The following PPM1E variants were observed in gnomAD, a reference collection of about 807,000 sequenced individuals.
The protein encoded by PPM1E is protein phosphatase, Mg2+/Mn2+ dependent 1E.
A neutral mutation model predicts 65.9 loss-of-function variants in PPM1E; 20 were observed. That is an observed-to-expected ratio of 0.30 (90% CI 0.21 to 0.44). PPM1E has a LOEUF of 0.44. Ranked by LOEUF, PPM1E falls within the 20% of genes least tolerant of loss-of-function variation. The pLI is 1.00. For missense variants in PPM1E, 713 were observed against 953.1 expected, an observed-to-expected ratio of 0.75 and a Z score of 3.32; for synonymous variants, 352 against 374.9, an observed-to-expected ratio of 0.94 and a Z score of 0.70.
intron 1 of PPM1E, among the ~76,000 whole-genome samples, chr17:58,784,007 G>C (rs996620439): frequency 6.6e-6 from 1 of 150,892 alleles, no homozygotes; most frequent in African/African-American, 2.4e-5. Flanking sequence ...CACCGTGCCC[G>C]GCCTGTTTTT....
chr17:58,834,111 C>G (rs2050631118), intron 1 of PPM1E, among the ~76,000 whole-genome samples: 1 of 151,964 alleles, frequency 6.6e-6, no homozygotes. Context: ...AGATATTTCC[C>G]CTCTTTGCTT....
At chr17:58,853,210 G>T (rs1280329069) in intron 1 of PPM1E, among the ~76,000 whole-genome samples, 1 of 152,020 alleles carries the variant, frequency 6.6e-6, no homozygotes, top group Non-Finnish European at 1.5e-5. Flanking sequence ...CTTGCCTTAT[G>T]TTTTTTAAAA....
At chr17:58,861,621 G>A (rs1368492726) in intron 1 of PPM1E, among the ~76,000 whole-genome samples, 1 of 152,120 alleles carries the variant, frequency 6.6e-6, no homozygotes, top group Non-Finnish European at 1.5e-5. Flanking sequence ...GTTGGAGGGA[G>A]TCCTTTAAAA....
At chr17:58,810,472 T>C (rs1281502401) in intron 1 of PPM1E, among the ~76,000 whole-genome samples, 1 of 152,200 alleles carries the variant, frequency 6.6e-6, no homozygotes, top group Admixed American at 6.5e-5. Context: ...CCCAAAGTGC[T>C]GGGATTACAG....
intron 1 of PPM1E, among the ~76,000 whole-genome samples, chr17:58,864,258 C>G (rs1375192554): frequency 6.6e-6 from 1 of 152,154 alleles, no homozygotes; most frequent in Non-Finnish European, 1.5e-5. Context: ...TTGTCCACGA[C>G]AAGTTCTAAC....
At position 58,805,978 on chromosome 17, in the gene PPM1E, AAAAAAACAAAACAAAAC is replaced by A. The variant is rs1598582396; in HGVS notation, c.464+49522_464+49538del. ...AAAAAAAACAAAAAAAAAAAACAAA[AAAAAAACAAAACAAAAC>A]AAAACAAAAAAAAAACTATATGTAG... On this transcript the variant is annotated intron_variant, in intron 1 of 6. Transcript: ENST00000308249. Among the ~76,000 whole-genome samples, 80 of 109,152 alleles carry A rather than the reference AAAAAAACAAAACAAAAC, an allele frequency of 7.3e-4. 3 individuals carry two copies. Among genetic ancestry groups the A allele is most frequent in the East Asian group, 7.0e-3 (22 of 3,144 alleles). 71.6% of individuals were successfully genotyped at this position (109,152 alleles called of 152,430 possible).
At position 58,756,420 on chromosome 17, in the gene PPM1E, G is replaced by A; in HGVS notation, c.423G>A (p.Glu141=). 4 of 1,355,810 alleles carry A rather than the reference G, an allele frequency of 3.0e-6. No homozygotes were observed. The highest frequency in any genetic ancestry group is 3.8e-6 in the Non-Finnish European group (4 of 1,057,328). 84.0% of individuals were successfully genotyped at this position (1,355,810 alleles called of 1,614,324 possible). The change falls in exon 1 of 7, where the codon GAG becomes GAA. Residue 141 remains glutamate, a synonymous_variant. Transcript: ENST00000308249. The stretch of plus-strand genomic sequence containing the variant: ...AGCGCATCACCCGCGAGGAGGTGGA[G>A]GGCGAAAGCCTGGACCTGTGCCTGC... ...LSERITREEV[E]GESLDLCLQQ...
At chr17:58,758,431 G>C (rs1217677853) in intron 1 of PPM1E, among the ~76,000 whole-genome samples, 1 of 151,984 alleles carries the variant, frequency 6.6e-6, no homozygotes, top group African/African-American at 2.4e-5. Flanking sequence ...AGGAGGCTGA[G>C]GCAGGAGAAT....
chr17:58,771,390 C>G (rs2049936720), intron 1 of PPM1E, among the ~76,000 whole-genome samples: 1 of 150,950 alleles, frequency 6.6e-6, no homozygotes, highest in South Asian at 2.1e-4. Context: ...CTTTGGGAGG[C>G]CGAGGCGGGT....
intron 2 of PPM1E, among the ~76,000 whole-genome samples, chr17:58,960,305 A>G (rs1328137102): frequency 6.6e-6 from 1 of 152,250 alleles, no homozygotes; most frequent in Non-Finnish European, 1.5e-5. Flanking sequence ...CAGAAGCCAC[A>G]GGATTTACTC....
chr17:58,837,969 G>A (rs979488635), intron 1 of PPM1E, among the ~76,000 whole-genome samples: 2 of 152,202 alleles, frequency 1.3e-5, no homozygotes. Flanking sequence ...ATAACGTGTT[G>A]ATAAATCTTT....
intron 1 of PPM1E, among the ~76,000 whole-genome samples, chr17:58,834,031 G>A (rs921989606): frequency 6.6e-5 from 10 of 152,196 alleles, no homozygotes; most frequent in African/African-American, 2.4e-4. Flanking sequence ...TTGGCCAGAT[G>A]TATGTCTTCT....
chr17:58,873,201 T>G (rs547953883), intron 1 of PPM1E, among the ~76,000 whole-genome samples: 1 of 152,342 alleles, frequency 6.6e-6, no homozygotes, highest in African/African-American at 2.4e-5. Context: ...ATCTCTTTAA[T>G]ATTAACGAAA....
At chr17:58,949,391 A>G (rs1212737226) in intron 1 of PPM1E, among the ~76,000 whole-genome samples, 1 of 152,188 alleles carries the variant, frequency 6.6e-6, no homozygotes, top group African/African-American at 2.4e-5. Flanking sequence ...ATATCCTTAT[A>G]GATGAGGTGA....
intron 1 of PPM1E, among the ~76,000 whole-genome samples, chr17:58,877,088 C>T (rs544814568): frequency 6.6e-6 from 1 of 152,214 alleles, no homozygotes; most frequent in South Asian, 2.1e-4. Flanking sequence ...TGGCCAAATG[C>T]GCATGTTAAA....
chr17:58,771,069 A>T (rs959112536), intron 1 of PPM1E, among the ~76,000 whole-genome samples: 2 of 151,532 alleles, frequency 1.3e-5, no homozygotes, highest in African/African-American at 4.8e-5. Flanking sequence ...GTTGGCCAGG[A>T]TAGTCTTTAT....
intron 1 of PPM1E, chr17:58,951,092 G>T (rs2052231972): frequency 6.6e-6 from 1 of 150,542 alleles, no homozygotes; most frequent in East Asian, 2.0e-4. Context: ...CTTTTTTAAT[G>T]ATATCTCTTT....
chr17:58,937,093 G>A (rs532087830), intron 1 of PPM1E, among the ~76,000 whole-genome samples: 1 of 150,418 alleles, frequency 6.6e-6, no homozygotes, highest in South Asian at 2.1e-4. Flanking sequence ...TCAGGAGATC[G>A]AGACCACGGT....
chr17:58,891,860 G>T (rs2051351613), intron 1 of PPM1E, among the ~76,000 whole-genome samples: 1 of 96,456 alleles, frequency 1.0e-5, no homozygotes, highest in Non-Finnish European at 1.9e-5. Context: ...TTTTGAGACA[G>T]AGTCTTGCTC....
Sources: gnomAD v4.1 joint callset for allele counts (sites outside exome capture counted in the v4.1 genomes callset) on GRCh38, gnomAD v4.1.1 for gene constraint, MANE v1.5 for transcripts, NCBI Gene and HGNC (gene_info 2026-07-23, HGNC 2026-07-21) for gene names.